Variants in INKA2 observed in about 807,000 individuals in gnomAD.
INKA2 encodes the protein PAK4-inhibitor INKA2.
Under a neutral mutation model 9.8 loss-of-function variants are expected in INKA2, and 3 were observed. The ratio of observed to expected loss-of-function variants is 0.31; its 90% confidence interval spans 0.14 to 0.79. The LOEUF (loss-of-function observed/expected upper bound fraction) is 0.79, where lower values mean the gene tolerates loss of function less well. Among genes scored for constraint, INKA2 ranks in the 30% least tolerant of loss-of-function variants. INKA2 has a pLI of 0.62. For synonymous variants in INKA2, 147 were observed against 143.3 expected (o/e 1.03, Z -0.18); for missense variants, 392 against 384.4 (o/e 1.02, Z -0.17).
intron 1 of INKA2, among the ~76,000 whole-genome samples, chr1:111,750,717 A>G (rs182263364): frequency 4.6e-5 from 7 of 152,336 alleles, no homozygotes; most frequent in African/African-American, 1.7e-4. Flanking sequence ...GTGATGCTCC[A>G]AAGTCTGCAA....
At chr1:111,739,430 TG>T (rs1164264267), upstream of INKA2, 25 of 1,437,492 alleles carry the variant, frequency 1.7e-5, no homozygotes, top group Non-Finnish European at 2.3e-5. Flanking sequence ...CGGTCGGTGC[TG>T]GGGGTGGAGG....
At chr1:111,729,584 C>A (rs1334369696) in intron 1 of INKA2, among the ~76,000 whole-genome samples, 1 of 152,238 alleles carries the variant, frequency 6.6e-6, no homozygotes. Context: ...CTGCCTTGGT[C>A]CTGCCAGCTC....
At chr1:111,743,944 A>G (rs922100652), upstream of INKA2, among the ~76,000 whole-genome samples, 2 of 152,224 alleles carry the variant, frequency 1.3e-5, no homozygotes, top group Admixed American at 6.5e-5. Flanking sequence ...ATGTGTTCAG[A>G]TATCACTGCG....
rs557015286 is a variant in INKA2 at position 111,732,528 on chromosome 1, A to G, written c.58-4724T>C. Among the ~76,000 whole-genome samples, 6 of 151,332 alleles carry G rather than the reference A, an allele frequency of 4.0e-5. No individual in the cohort carries two copies. The South Asian group carries it at 1.3e-3, about 32-fold the overall frequency. ...CCTGGTCCTGATTAGTTTGAGCAAG[A>G]GCCACCTCTTTCTAACCCACTCCTA... On this transcript the variant is annotated intron_variant, in intron 1 of 1. Transcript: ENST00000357260.
rs1440285665 is a variant in INKA2, at chr1:111,727,038, G to A, written c.824C>T (p.Pro275Leu). 2 of 1,614,032 alleles carry A rather than the reference G, an allele frequency of 1.2e-6. No individual in the cohort carries two copies. The highest frequency in any genetic ancestry group is 1.7e-6 in the Non-Finnish European group (2 of 1,180,018). Residue 275 changes from proline (P) to leucine (L), a missense_variant, in exon 2 of 2, where the codon CCC becomes CTC. Coordinates refer to ENST00000357260, the MANE Select transcript of INKA2 (RefSeq NM_019099.5). ...CTCCAGGGCCTTGGGGCAGCTTGTG[G>A]GGGGATTCTCCCCTCGCCTGTGCTC... ...TGEHRRGENP[P>L]TSCPKALEHS...
rs1219519477 is a variant in INKA2, at chr1:111,723,612, A to G, written c.*3356T>C. 1.9e-5 allele frequency: 3 copies of G among 156,210 alleles called. No individual in the cohort carries two copies. The highest frequency in any genetic ancestry group is 4.2e-5 in the Non-Finnish European group (3 of 70,806). 9.7% of individuals were successfully genotyped at this position (156,210 alleles called of 1,614,324 possible). A position where few individuals can be genotyped will look rare whatever the true frequency, so the allele number is the denominator to read the frequency against. ...GCTTCTAGCTCATTTGCATGTCCTA[A>G]TTAACCACAAAGTGCGCCCCAGAGG... On this transcript the variant is annotated 3_prime_UTR_variant, in exon 2 of 2. Transcript: ENST00000357260.
chr1:111,729,947 A>G (rs937297868), intron 1 of INKA2, among the ~76,000 whole-genome samples: 8 of 152,236 alleles, frequency 5.3e-5, no homozygotes, highest in Non-Finnish European at 1.0e-4. Context: ...GGGCGTGGAG[A>G]TTGCCCACGC....
rs752849252 is a variant in INKA2, at chr1:111,726,957, G to T, written c.*11C>A. The T allele has an allele frequency of 6.2e-7, 1 of 1,607,764 alleles. No individual in the cohort carries two copies. The highest frequency in any genetic ancestry group is 1.1e-5 in the South Asian group (1 of 90,490). ...CCCTTTCAGGCTCAGTCAACTTTCT[G>T]TCTCTAGGATTCAGACCCAAACAGC... On this transcript the variant is annotated 3_prime_UTR_variant, in exon 2 of 2. Coordinates refer to ENST00000357260, the MANE Select transcript of INKA2 (RefSeq NM_019099.5).
At chr1:111,755,439 C>T (rs1663516881) in intron 1 of INKA2, 1 of 541,636 alleles carries the variant, frequency 1.8e-6, no homozygotes, top group South Asian at 2.4e-5. Flanking sequence ...CGCTCTCTGC[C>T]AGCACAGAGG....
rs1181886609 is a variant in INKA2 at position 111,745,304 on chromosome 1, T to A, written n.124+10397A>T. The stretch of plus-strand genomic sequence containing the variant: ...ATATATATATATATATTTTTTTTTT[T>A]TTTTTTTTTTGAGACAGGGTCTCAC... On this transcript the variant is annotated intron_variant and non_coding_transcript_variant, in intron 1 of 1. Transcript: ENST00000444059. The A allele has an allele frequency of 4.4e-3, 543 of 122,238 alleles. 9 individuals are homozygous for A. Among genetic ancestry groups the A allele is most frequent in the African/African-American group, 0.016 (524 of 31,868 alleles). The allele number at this position is 122,238 out of a possible 1,614,324, so 7.6% of individuals were successfully genotyped here.
chr1:111,735,581 C>T (rs1249735728), intron 1 of INKA2, among the ~76,000 whole-genome samples: 1 of 152,174 alleles, frequency 6.6e-6, no homozygotes, highest in Non-Finnish European at 1.5e-5. Flanking sequence ...TCCCATTGAC[C>T]ACATTGCTTA....
intron 1 of INKA2, chr1:111,746,340 G>A (rs1185705797): frequency 1.3e-5 from 2 of 152,250 alleles, no homozygotes; most frequent in Non-Finnish European, 2.9e-5. Context: ...AACAAGTGAA[G>A]ATGCATACTG....
rs1212034583 is a variant in INKA2, at chr1:111,739,299, CACT to C, written c.-60_-58del. 5.6e-6 allele frequency: 9 copies of C among 1,608,144 alleles called. No homozygotes were observed. The African/African-American group carries it at 1.1e-4, about 19-fold the overall frequency. On this transcript the variant is annotated 5_prime_UTR_variant, in exon 1 of 2. Coordinates refer to ENST00000357260, the MANE Select transcript of INKA2 (RefSeq NM_019099.5). ...GAGGGCCCGGGTGAAACCCCGGCCC[CACT>C]GGAAACTGCGCTCCGGGCCGGCTCC...
chr1:111,728,038 T>TAC (rs60867844), intron 1 of INKA2, among the ~76,000 whole-genome samples: 8,903 of 109,438 alleles, frequency 0.081, 348 homozygotes, highest in South Asian at 0.21. Context: ...CCCCACCCCA[T>TAC]ACACACACAC....
chr1:111,735,847 G>A (rs1662997451), intron 1 of INKA2, among the ~76,000 whole-genome samples: 1 of 152,180 alleles, frequency 6.6e-6, no homozygotes, highest in South Asian at 2.1e-4. Context: ...CCATGCCTCA[G>A]CTAGGACAGA....
intron 1 of INKA2, chr1:111,745,184 G>C (rs1663232808): frequency 1.4e-5 from 2 of 139,906 alleles, no homozygotes; most frequent in African/African-American, 5.4e-5. Flanking sequence ...TACTTGGGAA[G>C]CAAGTATTTC....
chr1:111,739,067 C>T, intron 1 of INKA2, 119 bp downstream of exon 1: 1 of 970,050 alleles, frequency 1.0e-6, no homozygotes, highest in South Asian at 1.4e-5. Flanking sequence ...GTCCTCTCCT[C>T]TCTTCCCTGG....
intron 1 of INKA2, among the ~76,000 whole-genome samples, chr1:111,751,429 T>C (rs1663410185): frequency 6.6e-6 from 1 of 152,262 alleles, no homozygotes; most frequent in South Asian, 2.1e-4. Flanking sequence ...ATTTCATGCT[T>C]GATCATTTCC....
At chr1:111,729,929 C>A (rs1037726677) in intron 1 of INKA2, among the ~76,000 whole-genome samples, 1 of 152,258 alleles carries the variant, frequency 6.6e-6, no homozygotes. Flanking sequence ...GCAAGGAGGC[C>A]TTTGCTGGGG....
Sources: allele counts gnomAD v4.1 joint callset (sites outside exome capture counted in the v4.1 genomes callset), GRCh38; gene constraint gnomAD v4.1.1; transcripts MANE v1.5; gene names NCBI Gene and HGNC (gene_info 2026-07-23, HGNC 2026-07-21).